Variants in PHRF1 observed in about 807,000 individuals in gnomAD.
PHRF1 encodes the protein PHD and ring finger domains 1, also known as PHD and RING finger domain-containing protein 1.
PHRF1 carries 53 observed loss-of-function variants against 128.9 expected under a neutral mutation model. The observed-to-expected ratio is 0.41, with a 90% CI of 0.33 to 0.52. The LOEUF is 0.52. PHRF1 is among the 20% of genes least tolerant of loss of function. The pLI, the probability that PHRF1 is intolerant of heterozygous loss-of-function variation, is 0.21. For missense variants in PHRF1, 2,503 were observed against 2,284.5 expected (o/e 1.10, Z -1.95); for synonymous variants, 1,178 against 980.6 (o/e 1.20, Z -3.76).
intron 1 of PHRF1, among the ~76,000 whole-genome samples, chr11:579,417 C>T (rs532476783): frequency 1.3e-5 from 2 of 152,342 alleles, no homozygotes; most frequent in East Asian, 3.9e-4. Flanking sequence ...GGTGTTGGAG[C>T]AGGCGTCCTG....
Position 609,305 on chromosome 11 carries a change from C to G in PHRF1, c.3849C>G (p.Leu1283=), listed in dbSNP as rs765894190. Residue 1283 remains leucine (L), a synonymous_variant, in exon 14 of 18, where the codon CTC becomes CTG. Transcript: ENST00000264555. Reference sequence around the variant, plus strand: ...CAAGCGACGCCGTTTTCATCCAGCTCGATGACATGAGCTCGCCACCTTCTC... The same window carrying G: ...CAAGCGACGCCGTTTTCATCCAGCTGGATGACATGAGCTCGCCACCTTCTC... ...DFSSDAVFIQ[L]DDMSSPPSPE... The G allele has an allele frequency of 1.9e-6, 3 of 1,612,526 alleles. No individual in the cohort carries two copies. Among genetic ancestry groups the G allele is most frequent in the Middle Eastern group, 1.6e-4 (1 of 6,062 alleles).
rs186155513 is a variant in PHRF1 at position 608,678 on chromosome 11, C to T, written c.3222C>T (p.Ser1074=). 1.8e-4 allele frequency: 293 copies of T among 1,612,356 alleles called. 1 individual carries two copies. In the African/African-American group the frequency reaches 3.3e-3, roughly 18 times the overall value. Residue 1074 remains serine, a synonymous_variant, in exon 14 of 18, where the codon AGC becomes AGT. Transcript: ENST00000264555. ...AGAGGAAGAAAGCCAAGGACAAGAG[C>T]AGGGAGCACAGGCGGGGCCCCTGGG... is the stretch of plus-strand genomic sequence containing the variant. The part of the protein sequence containing the change: ...RAKRKKAKDK[S]REHRRGPWGH...
rs776219147 is a variant in PHRF1 at position 597,047 on chromosome 11, C to G, written c.718+27C>G. On this transcript the variant is annotated intron_variant, in intron 7 of 17. Transcript: ENST00000264555. The surrounding 1 kb of genome is among the most constrained non-coding windows in gnomAD (Gnocchi z 6.5). ...TAAGGACACTGCTCCCGTCCCAAGG[C>G]GCACATGGGCCTTCTCACTGTCCAC... The G allele has an allele frequency of 6.2e-7, 1 of 1,606,124 alleles. No individual in the cohort carries two copies. The highest frequency in any genetic ancestry group is 1.3e-5 in the African/African-American group (1 of 74,756).
At chr11:586,807 G>A (rs551569734) in intron 3 of PHRF1, among the ~76,000 whole-genome samples, 1 of 152,222 alleles carries the variant, frequency 6.6e-6, no homozygotes, top group South Asian at 2.1e-4. Flanking sequence ...TCCCTTCCGC[G>A]GGCAGAGGGT....
chr11:591,399 C>A lies in PHRF1; in HGVS notation c.436C>A (p.Pro146Thr). 1.2e-6 allele frequency: 2 copies of A among 1,608,660 alleles called. No homozygotes were observed. The highest frequency in any genetic ancestry group is 1.7e-6 in the Non-Finnish European group (2 of 1,177,800). Residue 146 changes from proline to threonine, a missense_variant, in exon 5 of 18, where the codon CCA becomes ACA. Coordinates refer to ENST00000264555, the MANE Select transcript of PHRF1 (RefSeq NM_001286581.2). Reference protein sequence around the residue: ...VEWSKNANSCPVDRTLFKCIC... With the variant: ...VEWSKNANSCTVDRTLFKCIC... ...TTTCTCACAGAATGCCAATTCCTGT[C>A]CAGTTGATCGAACTCTATTTAAGTG...
At position 607,941 on chromosome 11, in the gene PHRF1, G is replaced by T. The variant is rs533809507; in HGVS notation, c.2485G>T (p.Val829Phe). 7 of 1,612,306 alleles carry T rather than the reference G, an allele frequency of 4.3e-6. No homozygotes were observed. The highest frequency in any genetic ancestry group is 1.6e-4 in the Middle Eastern group (1 of 6,062). The change falls in exon 14 of 18, where the codon GTC (valine) becomes TTC (phenylalanine). Residue 829 changes from valine to phenylalanine, a missense_variant. Val to Phe is a conservative substitution (Grantham distance 50, BLOSUM62 -1). Transcript: ENST00000264555. ...GAAGACGAAGCAGCTGCGGAGCGAG[G>T]TCTACGACCCATCCGACCCCACCGG... ...IKKTKQLRSE[V>F]YDPSDPTGSD...
intron 2 of PHRF1, 89 bp downstream of exon 2, chr11:581,695 G>C (rs1854213227): frequency 7.9e-7 from 1 of 1,268,122 alleles, no homozygotes; most frequent in Admixed American, 3.0e-5. Flanking sequence ...TGTGTCACTT[G>C]TCAACTTTCA....
rs553505284 is a variant in PHRF1 at position 607,248 on chromosome 11, G to A, written c.1792G>A (p.Ala598Thr). Residue 598 changes from alanine (A) to threonine (T), a missense_variant, in exon 14 of 18, where the codon GCG becomes ACG. Transcript: ENST00000264555. ...CCGCACCCCCGCCCGCACCGCGGGG[G>A]CGCCTGTGAGGCTGGACTTGCCAGC... The part of the protein sequence containing the change: ...RSRTPARTAG[A>T]PVRLDLPAAP... 60 of 1,612,392 alleles carry A rather than the reference G, an allele frequency of 3.7e-5. No homozygotes were observed. Among genetic ancestry groups the A allele is most frequent in the Non-Finnish European group, 4.7e-5 (56 of 1,179,786 alleles).
chr11:600,613 C>A (rs1250702026), intron 9 of PHRF1, among the ~76,000 whole-genome samples: 1 of 149,574 alleles, frequency 6.7e-6, no homozygotes, highest in Admixed American at 6.7e-5. Flanking sequence ...GGTGTGTCAC[C>A]TGAGATCAGG....
intron 3 of PHRF1, among the ~76,000 whole-genome samples, chr11:584,768 A>G (rs1267818529): frequency 1.9e-5 from 2 of 105,226 alleles, no homozygotes; most frequent in Non-Finnish European, 3.5e-5. Flanking sequence ...ACCGAGTTTC[A>G]CTCTTGTTGC....
At chr11:579,739 T>G (rs943507446) in intron 1 of PHRF1, among the ~76,000 whole-genome samples, 1 of 152,230 alleles carries the variant, frequency 6.6e-6, no homozygotes, top group Non-Finnish European at 1.5e-5. Context: ...AATTACTAAT[T>G]TGGCAAAACT....
In PHRF1 at chr11:610,321, G is replaced by C. The variant is rs774033686; in HGVS notation, c.4390G>C (p.Gly1464Arg). The change falls in exon 15 of 18, where the codon GGG becomes CGG. Residue 1464 changes from glycine (G) to arginine (R), a missense_variant. Coordinates refer to ENST00000264555, the MANE Select transcript of PHRF1 (RefSeq NM_001286581.2). Reference sequence around the variant, plus strand: ...TCCCAGTCACGTGCTTCCGGAACCCGGGTTCCCAGACACAGACCCCTCTCA... The same window carrying C: ...TCCCAGTCACGTGCTTCCGGAACCCCGGTTCCCAGACACAGACCCCTCTCA... ...PFPSHVLPEP[G>R]FPDTDPSQVY... 6.4e-7 allele frequency: 1 copy of C among 1,566,078 alleles called. No homozygotes were observed. Among genetic ancestry groups the C allele is most frequent in the African/African-American group, 1.4e-5 (1 of 73,714 alleles).
Position 596,983 on chromosome 11 carries a change from C to T in PHRF1, c.681C>T (p.Cys227=). 2 of 1,613,834 alleles carry T rather than the reference C, an allele frequency of 1.2e-6. No individual in the cohort carries two copies. Among genetic ancestry groups the T allele is most frequent in the Non-Finnish European group, 1.7e-6 (2 of 1,179,854 alleles). The change falls in exon 7 of 18, where the codon TGC becomes TGT. Residue 227 remains cysteine, a synonymous_variant. Coordinates refer to ENST00000264555, the MANE Select transcript of PHRF1 (RefSeq NM_001286581.2). The stretch of plus-strand genomic sequence containing the variant: ...AGGTGCCGGTGGACGAGTGGTTCTG[C>T]CCGGAATGTGCTGCGCCTGGTGTTG... ...LQEVPVDEWF[C]PECAAPGVVL... is the part of the protein sequence containing the mutation.
At chr11:611,138 G>T (rs144439467) in intron 17 of PHRF1, 56 bp downstream of exon 17, 2 of 1,599,708 alleles carry the variant, frequency 1.3e-6, no homozygotes, top group Admixed American at 1.7e-5. Flanking sequence ...GTACGTCGCT[G>T]CTGTCTCGTC....
chr11:589,861 G>A (rs542672932), intron 4 of PHRF1, among the ~76,000 whole-genome samples: 1 of 151,488 alleles, frequency 6.6e-6, no homozygotes, highest in Admixed American at 6.6e-5. Context: ...GGCACGGAGC[G>A]TGCGGGGCTC....
chr11:605,110 T>C lies in PHRF1; in HGVS notation c.1153-9T>C, dbSNP rs754619957. The C allele has an allele frequency of 9.4e-6, 15 of 1,601,388 alleles. No individual in the cohort carries two copies. Among genetic ancestry groups the C allele is most frequent in the Admixed American group, 3.4e-5 (2 of 59,414 alleles). ...CTCTGTTCATCTTTTTCTTTGTTAC[T>C]GGATTCAGAGTGAAGCCACCACTCG... On this transcript the variant is annotated splice_polypyrimidine_tract_variant and intron_variant, in intron 10 of 17. Transcript: ENST00000264555.
chr11:587,660 G>C (rs1854652320), intron 4 of PHRF1, among the ~76,000 whole-genome samples, 196 bp downstream of exon 4: 1 of 152,154 alleles, frequency 6.6e-6, no homozygotes, highest in South Asian at 2.1e-4. Flanking sequence ...GAGCTCATGT[G>C]AGGCGTTTGT....
intron 5 of PHRF1, 133 bp downstream of exon 5, chr11:591,600 A>G: frequency 1.3e-6 from 1 of 778,544 alleles, no homozygotes; most frequent in Non-Finnish European, 1.9e-6. Context: ...AATCAACTCA[A>G]GTGCCCCTTG....
chr11:577,175 A>T (rs1409362443), intron 1 of PHRF1, among the ~76,000 whole-genome samples: 2 of 152,192 alleles, frequency 1.3e-5, no homozygotes, highest in Non-Finnish European at 2.9e-5. Flanking sequence ...AGTCCTCACA[A>T]GAGCCTCTCA....
Sources: gnomAD v4.1 joint callset for allele counts (sites outside exome capture counted in the v4.1 genomes callset) on GRCh38, gnomAD v4.1.1 for gene constraint, Gnocchi (gnomAD v3.1) non-coding constraint, MANE v1.5 for transcripts, NCBI Gene and HGNC (gene_info 2026-07-23, HGNC 2026-07-21) for gene names.